THAP12: variants seen among roughly 807,000 people sequenced by gnomAD.
THAP12 encodes 52 kDa repressor of the inhibitor of the protein kinase.
A neutral mutation model predicts 63.0 loss-of-function variants in THAP12; 20 were observed. That is an observed-to-expected ratio of 0.32 (90% confidence interval 0.22 to 0.46). THAP12 has a LOEUF of 0.46. THAP12 is among the 20% of genes least tolerant of loss of function. The pLI is 1.00. For missense variants in THAP12, 568 were observed against 908.2 expected, an observed-to-expected ratio of 0.63 and a Z score of 4.81; for synonymous variants, 264 against 328.4, an observed-to-expected ratio of 0.80 and a Z score of 2.12.
Position 76,351,816 on chromosome 11 carries a change from A to C in THAP12, c.1334T>G (p.Val445Gly). The C allele has an allele frequency of 6.2e-7, 1 of 1,606,330 alleles. No individual in the cohort carries two copies. The highest frequency in any genetic ancestry group is 8.5e-7 in the Non-Finnish European group (1 of 1,176,858). ...ACTATTTATACCATCTAAACATAAAACAAGTGCTTGCAGGAGTTCCACTAA... is the reference window on the plus strand; with the variant it reads ...ACTATTTATACCATCTAAACATAAACCAAGTGCTTGCAGGAGTTCCACTAA... ...EILVELLQAL[V>G]LCLDGINSDT... The change falls in exon 5 of 5, where the codon GTT becomes GGT. Residue 445 changes from valine (V) to glycine (G), a missense_variant. Physicochemically the swap from Val to Gly is moderately radical, Grantham distance 109 (BLOSUM62 -3). Coordinates refer to ENST00000260045, the MANE Select transcript of THAP12 (RefSeq NM_004705.4).
chr11:76,355,743 C>G, intron 3 of THAP12, 89 bp from the exon 4 acceptor site: 2 of 1,044,366 alleles, frequency 1.9e-6, no homozygotes, highest in Non-Finnish European at 2.7e-6. Context: ...AATACAAATG[C>G]CTATTCTGAG....
intron 1 of THAP12, among the ~76,000 whole-genome samples, chr11:76,368,398 A>G (rs1404563418): frequency 6.6e-6 from 1 of 152,238 alleles, no homozygotes; most frequent in African/African-American, 2.4e-5. Flanking sequence ...ATTCAATATA[A>G]TCACAAGCCC....
Position 76,365,852 on chromosome 11 carries a change from A to G in THAP12, c.210T>C (p.Thr70=). The part of the protein sequence containing the change: ...KHFETSMICR[T]SPYRTVLRDN... Reference sequence around the variant, plus strand: ...GACACCAAGCTCTTCTATTACTCACAGTTCTACAGATCATAGAGGTCTCAA... The same window carrying G: ...GACACCAAGCTCTTCTATTACTCACGGTTCTACAGATCATAGAGGTCTCAA... The change falls in exon 2 of 5, where the codon ACT becomes ACC. Residue 70 remains threonine, a splice_region_variant and synonymous_variant. Transcript: ENST00000260045. 6.2e-7 allele frequency: 1 copy of G among 1,611,580 alleles called. No individual in the cohort carries two copies. Among genetic ancestry groups the G allele is most frequent in the Non-Finnish European group, 8.5e-7 (1 of 1,179,122 alleles).
intron 1 of THAP12, among the ~76,000 whole-genome samples, chr11:76,372,418 AAG>A (rs1246224088): frequency 6.6e-6 from 1 of 150,996 alleles, no homozygotes. Flanking sequence ...AAAAAAAAAA[AAG>A]AGAGAGAGAG....
intron 2 of THAP12, 190 bp from the exon 3 acceptor site, chr11:76,361,253 A>G: frequency 4.1e-6 from 2 of 484,144 alleles, no homozygotes; most frequent in East Asian, 6.8e-5. Context: ...CCTTCTGGCA[A>G]TCTATTATAA....
In THAP12 at chr11:76,352,468, A is replaced by G. The variant is rs754656225; in HGVS notation, c.682T>C (p.Leu228=). Residue 228 remains leucine, a synonymous_variant, in exon 5 of 5, where the codon TTG becomes CTG. Coordinates refer to ENST00000260045, the MANE Select transcript of THAP12 (RefSeq NM_004705.4). Reference sequence around the variant, plus strand: ...CTCTGCTGTGTTTTTGAACAAAACAACGTGTTAACTGCTGTTGTCTCAAAC... The same window carrying G: ...CTCTGCTGTGTTTTTGAACAAAACAGCGTGTTAACTGCTGTTGTCTCAAAC... ...KRFETTAVNT[L]FCSKTQQRQM... 36 of 1,611,900 alleles carry G rather than the reference A, an allele frequency of 2.2e-5. No individual in the cohort carries two copies. In the Admixed American group the frequency reaches 3.3e-4, roughly 15 times the overall value.
rs960719813 is a variant in THAP12, at chr11:76,375,417, G to A, written c.89+5331C>T. Among the ~76,000 whole-genome samples, 11 of 145,774 alleles carry A rather than the reference G, an allele frequency of 7.5e-5. No individual in the cohort carries two copies. In the East Asian group the frequency reaches 9.9e-4, roughly 13 times the overall value. On this transcript the variant is annotated intron_variant, in intron 1 of 4. Transcript: ENST00000260045. ...TTTTTTTTTTTTTTTTACTTAAACC[G>A]TGTCACTGACCTAAGCTGGGTTGAT...
intron 1 of THAP12, among the ~76,000 whole-genome samples, chr11:76,377,580 C>T (rs987540617): frequency 6.6e-6 from 1 of 152,238 alleles, no homozygotes; most frequent in African/African-American, 2.4e-5. Context: ...TGTACTGGCA[C>T]TTCATTCCTT....
chr11:76,372,166 T>C (rs192968743), intron 1 of THAP12, among the ~76,000 whole-genome samples: 6 of 151,456 alleles, frequency 4.0e-5, no homozygotes, highest in Non-Finnish European at 8.8e-5. Flanking sequence ...GTTGCCCAGG[T>C]GGGTCTCAAA....
At chr11:76,354,149 A>G (rs1461286432) in intron 4 of THAP12, among the ~76,000 whole-genome samples, 1 of 152,242 alleles carries the variant, frequency 6.6e-6, no homozygotes, top group Non-Finnish European at 1.5e-5. Context: ...GCACTAAGGT[A>G]GAAGAGGGAA....
At chr11:76,366,018 T>G in intron 1 of THAP12, 46 bp from the exon 2 acceptor site, 1 of 1,594,088 alleles carries the variant, frequency 6.3e-7, no homozygotes, top group African/African-American at 1.4e-5. Flanking sequence ...GCTCAGCATT[T>G]AAATTTCAGC....
intron 2 of THAP12, among the ~76,000 whole-genome samples, chr11:76,363,586 G>A (rs926151461): frequency 3.8e-5 from 1 of 26,182 alleles, no homozygotes; most frequent in Non-Finnish European, 7.1e-5. Context: ...AAAATCCAGG[G>A]GTTTTTGTTT....
chr11:76,366,113 A>G, intron 1 of THAP12, 141 bp from the exon 2 acceptor site: 1 of 996,766 alleles, frequency 1.0e-6, no homozygotes, highest in Non-Finnish European at 1.5e-6. Flanking sequence ...TTTGATTAAT[A>G]ACAAAATAAC....
chr11:76,361,448 C>T (rs770940612), intron 2 of THAP12: 6 of 156,426 alleles, frequency 3.8e-5, no homozygotes, highest in Non-Finnish European at 5.6e-5. Flanking sequence ...TAATGCATCC[C>T]TATTTTACCT....
intron 3 of THAP12, chr11:76,359,321 T>C (rs1026154720): frequency 1.3e-5 from 2 of 152,220 alleles, no homozygotes; most frequent in African/African-American, 4.8e-5. Flanking sequence ...ATTTGATAGG[T>C]ATTTTATGGG....
At position 76,350,257 on chromosome 11, in the gene THAP12, C is replaced by T. The variant is rs1428247973; in HGVS notation, c.*607G>A. The stretch of plus-strand genomic sequence containing the variant: ...AAAGCTTAGGAAGATGTAGGCTCCA[C>T]AAAGGAATGTAAACAGCAACGAGAT... On this transcript the variant is annotated 3_prime_UTR_variant, in exon 5 of 5. Coordinates refer to ENST00000260045, the MANE Select transcript of THAP12 (RefSeq NM_004705.4). 1.3e-5 allele frequency: 2 copies of T among 152,296 alleles called. No individual in the cohort carries two copies. Among genetic ancestry groups the T allele is most frequent in the African/African-American group, 4.8e-5 (2 of 41,436 alleles). 9.4% of individuals were successfully genotyped at this position (152,296 alleles called of 1,614,324 possible).
chr11:76,351,616 C>T lies in THAP12; in HGVS notation c.1534G>A (p.Gly512Ser), dbSNP rs750622386. 4 of 1,583,940 alleles carry T rather than the reference C, an allele frequency of 2.5e-6. No homozygotes were observed. Among genetic ancestry groups the T allele is most frequent in the South Asian group, 1.1e-5 (1 of 87,314 alleles). ...GAATGCAGTACTGCAGTCAAGCTAC[C>T]GGCCGCAAAGAAGACATCAGAGGTT... ...GQTSDVFFAA[G>S]SLTAVLHSLN... Residue 512 changes from glycine to serine, a missense_variant, in exon 5 of 5, where the codon GGT becomes AGT. Gly to Ser is a moderately conservative substitution (Grantham distance 56). Coordinates refer to ENST00000260045, the MANE Select transcript of THAP12 (RefSeq NM_004705.4).
At position 76,352,232 on chromosome 11, in the gene THAP12, C is replaced by T. The variant is rs2134497470; in HGVS notation, c.918G>A (p.Leu306=). ...FLPYEADAEI[L]AVKFHTMITE... ...TTATCATAGTGTGAAATTTCACAGC[C>T]AAAATTTCTGCATCGGCTTCATAAG... The change falls in exon 5 of 5, where the codon TTG becomes TTA. Residue 306 remains leucine (L), a synonymous_variant. Transcript: ENST00000260045. 6.2e-7 allele frequency: 1 copy of T among 1,611,702 alleles called. No homozygotes were observed. Among genetic ancestry groups the T allele is most frequent in the Non-Finnish European group, 8.5e-7 (1 of 1,179,726 alleles).
chr11:76,376,306 T>C (rs964996959), intron 1 of THAP12, among the ~76,000 whole-genome samples: 1 of 152,244 alleles, frequency 6.6e-6, no homozygotes, highest in African/African-American at 2.4e-5. Context: ...AACATCTTTT[T>C]AAAAAGAAAT....
Sources: gnomAD v4.1 joint callset for allele counts (sites outside exome capture counted in the v4.1 genomes callset) on GRCh38, gnomAD v4.1.1 for gene constraint, MANE v1.5 for transcripts, NCBI Gene and HGNC (gene_info 2026-07-23, HGNC 2026-07-21) for gene names.